The following CD6 variants were observed in gnomAD, a reference collection of about 807,000 sequenced individuals.
CD6 encodes CD6 molecule, also known as T-cell differentiation antigen CD6.
Under a neutral mutation model 75.3 loss-of-function variants are expected in CD6, and 53 were observed. The observed-to-expected ratio is 0.70, with a 90% CI of 0.56 to 0.88. The LOEUF (loss-of-function observed/expected upper bound fraction) is 0.88. CD6 is among the 40% of genes least tolerant of loss of function. The pLI is 0.00. For missense variants in CD6, 770 were observed against 897.1 expected (o/e 0.86, Z 1.81); for synonymous variants, 359 against 381.5 (o/e 0.94, Z 0.69).
chr11:60,991,632 G>A (rs1476024570), intron 1 of CD6, among the ~76,000 whole-genome samples: 1 of 151,422 alleles, frequency 6.6e-6, no homozygotes, highest in Non-Finnish European at 1.5e-5. Flanking sequence ...CAGGTATTGG[G>A]GGTTTTTATG....
In CD6 at chr11:61,006,626, T is replaced by A; in HGVS notation, c.102T>A (p.Ser34Arg). 1 of 1,609,874 alleles carries A rather than the reference T, an allele frequency of 6.2e-7. No individual in the cohort carries two copies. Among genetic ancestry groups the A allele is most frequent in the Non-Finnish European group, 8.5e-7 (1 of 1,178,232 alleles). Reference protein sequence around the residue: ...PDQLNTSSAESELWEPGERLP... With the variant: ...PDQLNTSSAERELWEPGERLP... ...AGCTCAACACCAGCAGTGCAGAGAGTGAGCTCTGGGAGCCAGGTGAGCAAA... is the reference window on the plus strand; with the variant it reads ...AGCTCAACACCAGCAGTGCAGAGAGAGAGCTCTGGGAGCCAGGTGAGCAAA... Residue 34 changes from serine to arginine, a missense_variant, in exon 2 of 13, where the codon AGT becomes AGA. Transcript: ENST00000313421.
At chr11:60,987,731 C>CGAGGAGAGGAG (rs369587704) in intron 1 of CD6, among the ~76,000 whole-genome samples, 69,677 of 151,664 alleles carry the variant, frequency 0.46, 18,504 homozygotes, top group East Asian at 0.88. Context: ...CCATCGATTT[C>CGAGGAGAGGAG]TTACCCCTGA....
chr11:61,013,481 C>T lies in CD6; in HGVS notation c.1209C>T (p.Ile403=). 6.2e-7 allele frequency: 1 copy of T among 1,613,694 alleles called. No individual in the cohort carries two copies. The highest frequency in any genetic ancestry group is 8.5e-7 in the Non-Finnish European group (1 of 1,179,556). Residue 403 remains isoleucine, a synonymous_variant, in exon 7 of 13, where the codon ATC becomes ATT. Transcript: ENST00000313421. The part of the protein sequence containing the change: ...NKESRELMLL[I]PSIVLGILLL... ...AATCTCGGGAGCTAATGCTCCTCAT[C>T]CCCTCCATCGTTCTGGGAATTCTCC...
chr11:61,008,422 C>T, intron 3 of CD6, 112 bp from the exon 4 acceptor site: 2 of 1,031,008 alleles, frequency 1.9e-6, no homozygotes, highest in Non-Finnish European at 2.8e-6. Context: ...GGGCTACAGC[C>T]CTCTCACTGG....
chr11:60,981,761 A>G (rs1336992790), intron 1 of CD6, among the ~76,000 whole-genome samples: 1 of 152,184 alleles, frequency 6.6e-6, no homozygotes, highest in Non-Finnish European at 1.5e-5. Flanking sequence ...CTGCAGCCCG[A>G]ACGCCTTCTG....
chr11:61,015,112 CAG>C (rs1859339344), intron 8 of CD6, among the ~76,000 whole-genome samples: 1 of 151,976 alleles, frequency 6.6e-6, no homozygotes, highest in South Asian at 2.1e-4. Flanking sequence ...ACCCACTTCA[CAG>C]AGTTATCATG....
chr11:61,013,794 G>A lies in CD6; in HGVS notation c.1292-125G>A, dbSNP rs548248639. The A allele has an allele frequency of 1.9e-3, 1,418 of 742,792 alleles. 30 individuals are homozygous for A. In the South Asian group the frequency reaches 0.023, roughly 12 times the overall value. 46.0% of individuals were successfully genotyped at this position (742,792 alleles called of 1,614,324 possible). ...TGTTTGTGTGTGTGTTTGTGCGCGC[G>A]CACATGTGCCTGCAAGTGTTGGGGG... On this transcript the variant is annotated intron_variant, in intron 7 of 12. Transcript: ENST00000313421.
In CD6 at chr11:61,009,841, A is replaced by C; in HGVS notation, c.1051A>C (p.Ser351Arg). Residue 351 changes from serine to arginine, a missense_variant, in exon 5 of 13, where the codon AGC becomes CGC. Transcript: ENST00000313421. ...SWRFNNSNLC[S>R]QSLAARVLCS... is the part of the protein sequence containing the mutation. ...GCGGTTCAACAACTCCAACCTCTGC[A>C]GCCAGTCGCTGGCAGCCAGGGTCCT... 5 of 1,571,668 alleles carry C rather than the reference A, an allele frequency of 3.2e-6. No individual in the cohort carries two copies. The highest frequency in any genetic ancestry group is 4.3e-6 in the Non-Finnish European group (5 of 1,156,594).
At position 61,019,823 on chromosome 11, in the gene CD6, C is replaced by T. The variant is rs375553481; in HGVS notation, c.*505C>T. The T allele has an allele frequency of 3.8e-4, 78 of 206,068 alleles. 1 individual carries two copies. In the South Asian group the frequency reaches 0.013, roughly 35 times the overall value. 12.8% of individuals were successfully genotyped at this position (206,068 alleles called of 1,614,324 possible). A position where few individuals can be genotyped will look rare whatever the true frequency, so the allele number is the denominator to read the frequency against. ...TGAGCTGTTGTCACTGATCGGTGGG[C>T]GCTGGGGGGGTAGGGTAGCACACCA... On this transcript the variant is annotated 3_prime_UTR_variant, in exon 13 of 13. Transcript: ENST00000313421.
intron 1 of CD6, among the ~76,000 whole-genome samples, chr11:60,994,897 C>A (rs1404361900): frequency 6.6e-6 from 1 of 152,204 alleles, no homozygotes; most frequent in African/African-American, 2.4e-5. Flanking sequence ...GCCTTCCTGG[C>A]CTTGGAGAGC....
At chr11:61,008,963 C>T in intron 4 of CD6, 118 bp downstream of exon 4, 3 of 858,194 alleles carry the variant, frequency 3.5e-6, no homozygotes, top group South Asian at 4.4e-5. Flanking sequence ...TGTCACAGTT[C>T]AGGAGGGGAG....
In CD6 at chr11:61,011,153, C is replaced by A. The variant is rs774292537; in HGVS notation, c.1150+18C>A. 93 of 1,568,180 alleles carry A rather than the reference C, an allele frequency of 5.9e-5. No individual in the cohort carries two copies. Among genetic ancestry groups the A allele is most frequent in the Admixed American group, 3.6e-4 (21 of 57,848 alleles). On this transcript the variant is annotated intron_variant, in intron 6 of 12. Coordinates refer to ENST00000313421, the MANE Select transcript of CD6 (RefSeq NM_006725.5). ...CACTATAGGTAAGTGTTGCTGGGTA[C>A]TACGCGGTTTCTCAGAAGCTTGGAC...
At chr11:61,018,849 A>G (rs183595303) in intron 12 of CD6, 23 of 243,500 alleles carry the variant, frequency 9.4e-5, no homozygotes, top group East Asian at 1.7e-4. Context: ...AAGCACAACA[A>G]GAATATGAAG....
At chr11:61,013,725 G>A (rs942474701) in intron 7 of CD6, among the ~76,000 whole-genome samples, 162 bp downstream of exon 7, 1 of 152,120 alleles carries the variant, frequency 6.6e-6, no homozygotes, top group African/African-American at 2.4e-5. Context: ...AGTCATGGAC[G>A]CACCAGCGGG....
intron 1 of CD6, among the ~76,000 whole-genome samples, chr11:61,002,193 G>A (rs867434613): frequency 6.6e-5 from 10 of 152,152 alleles, no homozygotes; most frequent in Admixed American, 2.0e-4. Flanking sequence ...TAAATGGACC[G>A]TAATTGATTC....
At chr11:60,972,064 G>A (rs1377935690) in intron 1 of CD6, 150 bp downstream of exon 1, 2 of 809,690 alleles carry the variant, frequency 2.5e-6, no homozygotes, top group African/African-American at 1.7e-5. Context: ...CCAGCATCTG[G>A]GGCTAGGAGA....
intron 1 of CD6, among the ~76,000 whole-genome samples, chr11:60,978,900 GT>G (rs1349006316): frequency 4.6e-5 from 7 of 152,228 alleles, no homozygotes; most frequent in Admixed American, 4.6e-4. Context: ...ACAAAATGCA[GT>G]GCTCAGAAAT....
At chr11:61,013,674 G>C in intron 7 of CD6, 111 bp downstream of exon 7, 1 of 1,228,216 alleles carries the variant, frequency 8.1e-7, no homozygotes, top group Non-Finnish European at 1.2e-6. Flanking sequence ...TGGCCCTGGG[G>C]AGATCCCCAA....
chr11:61,004,410 C>G (rs1189998495), intron 1 of CD6: 2 of 152,188 alleles, frequency 1.3e-5, no homozygotes, highest in Non-Finnish European at 2.9e-5. Context: ...TCTAATACAT[C>G]AGCCACAGAG....
Sources: allele counts gnomAD v4.1 joint callset (sites outside exome capture counted in the v4.1 genomes callset), GRCh38; gene constraint gnomAD v4.1.1; transcripts MANE v1.5; gene names NCBI Gene and HGNC (gene_info 2026-07-23, HGNC 2026-07-21).